Variants in TBXAS1 observed in about 807,000 individuals in gnomAD.
TBXAS1 encodes thromboxane A synthase 1, also known as thromboxane-A synthase.
Under a neutral mutation model 60.7 loss-of-function variants are expected in TBXAS1, and 48 were observed. The ratio of observed to expected loss-of-function variants is 0.79; its 90% CI spans 0.63 to 1.01. TBXAS1 has a LOEUF of 1.01. Ranked by LOEUF, TBXAS1 falls within the 50% of genes least tolerant of loss-of-function variation. The probability of loss-of-function intolerance (pLI) is 0.00; values close to 1 mark genes in which losing one functional copy is unlikely to be tolerated. For synonymous variants in TBXAS1, 287 were observed against 269.7 expected, an observed-to-expected ratio of 1.06 and a Z score of -0.63; for missense variants, 685 against 686.3, an observed-to-expected ratio of 1.00 and a Z score of 0.02.
intron 7 of TBXAS1, among the ~76,000 whole-genome samples, chr7:139,956,618 C>T (rs1337697231): frequency 6.6e-6 from 1 of 152,218 alleles, no homozygotes; most frequent in South Asian, 2.1e-4. Context: ...GTTTCATTCC[C>T]GTTTCTGAGC....
chr7:139,845,319 C>T (rs765330736), intron 1 of TBXAS1, among the ~76,000 whole-genome samples: 1 of 152,128 alleles, frequency 6.6e-6, no homozygotes, highest in African/African-American at 2.4e-5. Flanking sequence ...TCCCCTGCCC[C>T]TCTGCAGGTT....
chr7:140,009,083 A>G (rs1814315320), intron 10 of TBXAS1, among the ~76,000 whole-genome samples: 1 of 152,262 alleles, frequency 6.6e-6, no homozygotes, highest in African/African-American at 2.4e-5. Flanking sequence ...ATTAGCTGTC[A>G]TGTTGAATAA....
chr7:140,020,200 AAG>A lies in TBXAS1; in HGVS notation c.*104_*105del, dbSNP rs761901996. On this transcript the variant is annotated 3_prime_UTR_variant, in exon 13 of 13. Coordinates refer to ENST00000448866, the MANE Select transcript of TBXAS1 (RefSeq NM_001061.7). ...GGAAAAATGTCACTGAAGTGATTGA[AAG>A]AGTGCCTGGCATGCAAGGATAAGAG... is the stretch of plus-strand genomic sequence containing the variant. 8.9e-7 allele frequency: 1 copy of A among 1,125,446 alleles called. No homozygotes were observed. Among genetic ancestry groups the A allele is most frequent in the East Asian group, 2.3e-5 (1 of 42,598 alleles). 69.7% of individuals were successfully genotyped at this position (1,125,446 alleles called of 1,614,324 possible). A position where few individuals can be genotyped will look rare whatever the true frequency, so the allele number is the denominator to read the frequency against.
chr7:139,928,301 C>T (rs1807049087), intron 4 of TBXAS1, among the ~76,000 whole-genome samples: 1 of 152,170 alleles, frequency 6.6e-6, no homozygotes, highest in African/African-American at 2.4e-5. Context: ...TTCAAAGTTG[C>T]ATTCTTGGAA....
At chr7:139,899,051 T>C (rs188644615) in intron 3 of TBXAS1, among the ~76,000 whole-genome samples, 2 of 151,610 alleles carry the variant, frequency 1.3e-5, no homozygotes, top group African/African-American at 4.8e-5. Context: ...GCGCTCATTA[T>C]AAAACACTGA....
chr7:139,860,026 C>G (rs1800853979), intron 1 of TBXAS1, among the ~76,000 whole-genome samples: 1 of 152,174 alleles, frequency 6.6e-6, no homozygotes, highest in Non-Finnish European at 1.5e-5. Flanking sequence ...GTAGTCCTAG[C>G]TATCCGGGAG....
chr7:139,985,966 G>A (rs1294289525), intron 9 of TBXAS1, among the ~76,000 whole-genome samples: 1 of 152,224 alleles, frequency 6.6e-6, no homozygotes, highest in Non-Finnish European at 1.5e-5. Flanking sequence ...CCATGGCAGG[G>A]CCTGGTCTCC....
In TBXAS1 at chr7:140,007,157, C is replaced by T. The variant is rs143966863; in HGVS notation, c.1201C>T (p.Leu401=). 439 of 1,614,174 alleles carry T rather than the reference C, an allele frequency of 2.7e-4. 1 individual carries two copies. The African/African-American group carries it at 5.0e-3, about 18-fold the overall frequency. ...TCTGGACATGGTGATTGCAGAGACG[C>T]TGAGGATGTACCCGCCAGCTTTCAG... The part of the protein sequence containing the change: ...PYLDMVIAET[L]RMYPPAFRFT... Residue 401 remains leucine, a synonymous_variant, in exon 10 of 13, where the codon CTG becomes TTG. Coordinates refer to ENST00000448866, the MANE Select transcript of TBXAS1 (RefSeq NM_001061.7).
At chr7:139,813,658 A>G (rs1487053907) in intron 4 of TBXAS1, among the ~76,000 whole-genome samples, 1 of 152,112 alleles carries the variant, frequency 6.6e-6, no homozygotes, top group Non-Finnish European at 1.5e-5. Context: ...CATCAAATCC[A>G]CCTTACCTGT....
intron 9 of TBXAS1, among the ~76,000 whole-genome samples, chr7:139,982,844 T>C (rs193947): frequency 0.52 from 78,376 of 151,838 alleles, 20,808 homozygotes; most frequent in Non-Finnish European, 0.58. Context: ...TGTATCGGGT[T>C]CCTTAAGAGC....
At chr7:139,930,430 G>A (rs114143609) in intron 4 of TBXAS1, among the ~76,000 whole-genome samples, 3,605 of 152,148 alleles carry the variant, frequency 0.024, 123 homozygotes, top group African/African-American at 0.08. Flanking sequence ...GGTCGGTAGC[G>A]TTATTATCCC....
intron 9 of TBXAS1, among the ~76,000 whole-genome samples, chr7:139,996,707 T>C (rs1813325458): frequency 6.6e-6 from 1 of 152,244 alleles, no homozygotes; most frequent in Non-Finnish European, 1.5e-5. Context: ...ATGACAGTGA[T>C]TCTGAAATCC....
At chr7:139,938,274 TG>T (rs1230747173) in intron 5 of TBXAS1, among the ~76,000 whole-genome samples, 2 of 152,052 alleles carry the variant, frequency 1.3e-5, no homozygotes, top group Non-Finnish European at 2.9e-5. Flanking sequence ...CGGGATCACT[TG>T]GGGGGCTTTG....
chr7:139,921,821 C>T (rs1806494796), intron 4 of TBXAS1, among the ~76,000 whole-genome samples: 1 of 152,148 alleles, frequency 6.6e-6, no homozygotes. Context: ...GTTGTTATAT[C>T]AACAGGCATT....
chr7:139,820,315 A>T (rs1344816506), intron 4 of TBXAS1, among the ~76,000 whole-genome samples: 1 of 152,152 alleles, frequency 6.6e-6, no homozygotes, highest in Non-Finnish European at 1.5e-5. Context: ...ACAAGCTGAG[A>T]TCATGGGTGT....
intron 3 of TBXAS1, among the ~76,000 whole-genome samples, chr7:139,886,319 T>G (rs1380204416): frequency 6.6e-6 from 1 of 151,816 alleles, no homozygotes; most frequent in African/African-American, 2.4e-5. Flanking sequence ...TTTATAAAGG[T>G]CTGACTCTCT....
intron 4 of TBXAS1, among the ~76,000 whole-genome samples, chr7:139,789,895 T>G (rs912584564): frequency 1.3e-5 from 2 of 152,070 alleles, no homozygotes; most frequent in Non-Finnish European, 2.9e-5. Context: ...CCTCCCAAAG[T>G]GCTGGGATTA....
intron 5 of TBXAS1, among the ~76,000 whole-genome samples, chr7:139,950,656 A>C (rs1584931914): frequency 7.0e-6 from 1 of 143,266 alleles, no homozygotes; most frequent in Non-Finnish European, 1.5e-5. Context: ...GATCTACAGG[A>C]CTCCCTCACC....
intron 3 of TBXAS1, among the ~76,000 whole-genome samples, chr7:139,888,918 G>A (rs1184718307): frequency 7.2e-6 from 1 of 139,054 alleles, no homozygotes; most frequent in African/African-American, 2.8e-5. Flanking sequence ...TGCAGGGGGA[G>A]GATGGAATTG....
Sources: gnomAD v4.1 joint callset for allele counts (sites outside exome capture counted in the v4.1 genomes callset) on GRCh38, gnomAD v4.1.1 for gene constraint, MANE v1.5 for transcripts, NCBI Gene and HGNC (gene_info 2026-07-23, HGNC 2026-07-21) for gene names.